The following RGSL1 variants were observed in gnomAD, a reference collection of about 807,000 sequenced individuals.
The protein encoded by RGSL1 is regulator of G protein signaling like 1, also known as regulator of G protein signaling protein-like.
In RGSL1, 97 loss-of-function variants were observed where a neutral mutation model predicts 124.7. The observed-to-expected ratio is 0.78, with a 90% CI of 0.66 to 0.92. The LOEUF (loss-of-function observed/expected upper bound fraction) is 0.92, where lower values mean the gene tolerates loss of function less well. Among genes scored for constraint, RGSL1 ranks in the 40% least tolerant of loss-of-function variants. RGSL1 has a pLI of 0.00. For synonymous variants in RGSL1, 424 were observed against 438.1 expected (o/e 0.97, Z 0.40); for missense variants, 1,233 against 1,288.4 (o/e 0.96, Z 0.66).
chr1:182,538,239 T>G (rs553958225), intron 14 of RGSL1, among the ~76,000 whole-genome samples: 2 of 152,190 alleles, frequency 1.3e-5, no homozygotes, highest in African/African-American at 4.8e-5. Context: ...GATAAAAAAG[T>G]TTCAGCAGGC....
chr1:182,503,067 T>C (rs1024210453), intron 9 of RGSL1, among the ~76,000 whole-genome samples: 2 of 152,132 alleles, frequency 1.3e-5, no homozygotes, highest in Admixed American at 6.5e-5. Flanking sequence ...GGAATGTAAA[T>C]TAGTACAACC....
intron 4 of RGSL1, chr1:182,460,719 C>T (rs1489107752): frequency 4.4e-6 from 2 of 455,896 alleles, no homozygotes; most frequent in African/African-American, 4.0e-5. Context: ...TCTGTTTCCT[C>T]ATCTAGACAA....
chr1:182,448,946 C>T (rs1379459126), upstream of RGSL1, among the ~76,000 whole-genome samples: 1 of 152,144 alleles, frequency 6.6e-6, no homozygotes, highest in African/African-American at 2.4e-5. Context: ...GAAAGCATTC[C>T]ATCTTAAGGA....
intron 15 of RGSL1, among the ~76,000 whole-genome samples, chr1:182,543,107 G>A (rs1571697993): frequency 6.6e-6 from 1 of 152,134 alleles, no homozygotes; most frequent in African/African-American, 2.4e-5. Context: ...AGTAGTGAGA[G>A]TGGGCATCCT....
intron 13 of RGSL1, 107 bp downstream of exon 13, chr1:182,531,017 T>C (rs747770827): frequency 2.0e-4 from 250 of 1,275,984 alleles, no homozygotes; most frequent in Non-Finnish European, 2.5e-4. Context: ...GAGACTCAGA[T>C]AAATTACTAT....
rs181080410 is a variant in RGSL1 at position 182,516,913 on chromosome 1, T to C, written c.1826-5091T>C. Among the ~76,000 whole-genome samples the C allele has an allele frequency of 3.4e-3, 518 of 152,328 alleles. 9 individuals are homozygous for C. Among genetic ancestry groups the C allele is most frequent in the Non-Finnish European group, 4.8e-3 (326 of 68,020 alleles). On this transcript the variant is annotated intron_variant, in intron 9 of 21. Transcript: ENST00000294854. The stretch of plus-strand genomic sequence containing the variant: ...ATAGTATTAGAGTATTCTGGGTTTG[T>C]CTGTGTACTTAATTTTATCAGTGGG...
At chr1:182,511,742 T>C (rs1558346898) in intron 9 of RGSL1, among the ~76,000 whole-genome samples, 1 of 152,184 alleles carries the variant, frequency 6.6e-6, no homozygotes, top group Non-Finnish European at 1.5e-5. Context: ...TCTTTTGTGA[T>C]TTCATATAAA....
At chr1:182,511,494 C>A (rs1042799654) in intron 9 of RGSL1, among the ~76,000 whole-genome samples, 1 of 152,130 alleles carries the variant, frequency 6.6e-6, no homozygotes, top group Non-Finnish European at 1.5e-5. Flanking sequence ...TTCTTAGCAC[C>A]ATTTATTGAA....
At chr1:182,458,122 T>G (rs571210374) in intron 2 of RGSL1, among the ~76,000 whole-genome samples, 197 bp from the exon 3 acceptor site, 109 of 152,298 alleles carry the variant, frequency 7.2e-4, no homozygotes, top group South Asian at 2.1e-3. Flanking sequence ...GATGAGTGAA[T>G]CGTGCAATTC....
Position 182,556,080 on chromosome 1 carries a change from A to T in RGSL1, c.*23A>T. On this transcript the variant is annotated 3_prime_UTR_variant, in exon 21 of 22. Coordinates refer to ENST00000294854, the MANE Select transcript of RGSL1 (RefSeq NM_001137669.2). The stretch of plus-strand genomic sequence containing the variant: ...TAATCAAGCGAGACCCCCAGCAGAG[A>T]TAAATCATCTCTTAGAGGCCTCCTA... 1 of 1,549,684 alleles carries T rather than the reference A, an allele frequency of 6.5e-7. No individual in the cohort carries two copies. The highest frequency in any genetic ancestry group is 8.7e-7 in the Non-Finnish European group (1 of 1,145,394).
chr1:182,474,383 T>G lies in RGSL1; in HGVS notation c.1272T>G (p.Phe424Leu), dbSNP rs1434220097. Residue 424 changes from phenylalanine to leucine, a missense_variant, in exon 6 of 22, where the codon TTT becomes TTG. Phe to Leu is a conservative substitution (Grantham distance 22). Transcript: ENST00000294854. ...LNNKKNGNAI[F>L]RHLLGDRICE... ...ACAAAAAGAATGGGAATGCAATCTT[T>G]CGTCACTTGCTGGGTGACAGAATCT... 1.9e-6 allele frequency: 3 copies of G among 1,551,918 alleles called. No individual in the cohort carries two copies. Among genetic ancestry groups the G allele is most frequent in the Non-Finnish European group, 2.6e-6 (3 of 1,147,042 alleles).
At chr1:182,558,993 A>G (rs1261509642) in intron 21 of RGSL1, among the ~76,000 whole-genome samples, 3 of 152,196 alleles carry the variant, frequency 2.0e-5, no homozygotes, top group African/African-American at 7.2e-5. Flanking sequence ...GAATGTATGA[A>G]CGCACAATCT....
At chr1:182,531,048 C>G in intron 13 of RGSL1, 138 bp downstream of exon 13, 1 of 992,904 alleles carries the variant, frequency 1.0e-6, no homozygotes, top group Non-Finnish European at 1.4e-6. Context: ...TAAGCAAGTC[C>G]CTCTCTTCTC....
intron 9 of RGSL1, among the ~76,000 whole-genome samples, chr1:182,504,472 CTTTTTTTTTTTTTTT>C (rs60918424): frequency 3.4e-4 from 20 of 59,498 alleles, no homozygotes; most frequent in African/African-American, 1.2e-3. Flanking sequence ...ATGAGCCATA[CTTTTTTTTTTTTTTT>C]TTTTTTTTTT....
chr1:182,457,641 G>GC (rs1652454761), intron 2 of RGSL1, among the ~76,000 whole-genome samples: 1 of 152,326 alleles, frequency 6.6e-6, no homozygotes, highest in South Asian at 2.1e-4. Context: ...TGGAGCTTCA[G>GC]CCCGTCTAGT....
intron 16 of RGSL1, 88 bp from the exon 17 acceptor site, chr1:182,548,612 G>C: frequency 1.3e-6 from 2 of 1,523,870 alleles, no homozygotes; most frequent in Non-Finnish European, 1.8e-6. Flanking sequence ...TTTGGAGAGG[G>C]GGTGGTCATG....
At chr1:182,477,653 A>G (rs1379756817) in intron 6 of RGSL1, among the ~76,000 whole-genome samples, 1 of 152,118 alleles carries the variant, frequency 6.6e-6, no homozygotes, top group African/African-American at 2.4e-5. Context: ...AGACCTTGAG[A>G]CAGCCCCAAC....
intron 6 of RGSL1, among the ~76,000 whole-genome samples, chr1:182,484,721 T>C (rs1654967716): frequency 6.6e-6 from 1 of 152,188 alleles, no homozygotes; most frequent in African/African-American, 2.4e-5. Flanking sequence ...GAAGCAATTC[T>C]ACCAAAGTGC....
intron 21 of RGSL1, among the ~76,000 whole-genome samples, chr1:182,558,629 C>A (rs897859086): frequency 1.3e-5 from 2 of 152,102 alleles, no homozygotes; most frequent in South Asian, 4.2e-4. Context: ...GAGAGCCGTT[C>A]CCAGTTTCTG....
Sources: gnomAD v4.1 joint callset for allele counts (sites outside exome capture counted in the v4.1 genomes callset) on GRCh38, gnomAD v4.1.1 for gene constraint, MANE v1.5 for transcripts, NCBI Gene and HGNC (gene_info 2026-07-23, HGNC 2026-07-21) for gene names.